The following EMILIN2 variants were observed in gnomAD, a reference collection of about 807,000 sequenced individuals.
The protein encoded by EMILIN2 is EMILIN-2.
A neutral mutation model predicts 87.1 loss-of-function variants in EMILIN2; 71 were observed. That is an observed-to-expected ratio of 0.82 (90% CI 0.67 to 0.99). The LOEUF is 0.99. Ranked by LOEUF, EMILIN2 falls within the 50% of genes least tolerant of loss-of-function variation. EMILIN2 has a pLI of 0.00. For missense variants in EMILIN2, 1,407 were observed against 1,371.8 expected (o/e 1.03, Z -0.40); for synonymous variants, 581 against 563.4 (o/e 1.03, Z -0.44).
chr18:2,910,845 C>G (rs2076937333), intron 7 of EMILIN2, among the ~76,000 whole-genome samples: 2 of 152,234 alleles, frequency 1.3e-5, no homozygotes, highest in Admixed American at 6.5e-5. Context: ...CTGCAGAACT[C>G]AGAGAAATGA....
At chr18:2,860,048 T>C (rs2076652461) in intron 2 of EMILIN2, among the ~76,000 whole-genome samples, 1 of 152,226 alleles carries the variant, frequency 6.6e-6, no homozygotes, top group South Asian at 2.1e-4. Flanking sequence ...GCTTTGGCTA[T>C]GTGGGCTCTT....
rs1384556171 is a variant in EMILIN2, at chr18:2,909,848, G to GTCC, written c.2824+37_2824+39dup. 9 of 1,605,564 alleles carry GTCC rather than the reference G, an allele frequency of 5.6e-6. No homozygotes were observed. The East Asian group carries it at 9.1e-5, about 16-fold the overall frequency. Reference sequence around the variant, plus strand: ...AGTGTTTGAACGGAACTGGTACTGTGTCCTCCTCCTACCCCAACGCAGGTG... The same window carrying GTCC: ...AGTGTTTGAACGGAACTGGTACTGTGTCCTCCTCCTCCTACCCCAACGCAGGTG... On this transcript the variant is annotated intron_variant, in intron 7 of 7. Coordinates refer to ENST00000254528, the MANE Select transcript of EMILIN2 (RefSeq NM_032048.3).
At chr18:2,870,726 C>T (rs2076715073) in intron 2 of EMILIN2, among the ~76,000 whole-genome samples, 1 of 152,322 alleles carries the variant, frequency 6.6e-6, no homozygotes, top group East Asian at 1.9e-4. Flanking sequence ...CCAAGGTCAG[C>T]GTAAGCCAAG....
chr18:2,856,085 T>A (rs1346383676), intron 2 of EMILIN2, among the ~76,000 whole-genome samples: 2 of 152,066 alleles, frequency 1.3e-5, no homozygotes, highest in African/African-American at 4.8e-5. Flanking sequence ...GAACTTTAAG[T>A]GAAGCTCAGC....
intron 2 of EMILIN2, among the ~76,000 whole-genome samples, chr18:2,873,450 A>G (rs470594): frequency 0.43 from 64,633 of 150,852 alleles, 14,324 homozygotes; most frequent in Admixed American, 0.49. Flanking sequence ...GCTCACGCCT[A>G]TAATCCCAGC....
chr18:2,855,808 C>T (rs1420192175), intron 2 of EMILIN2, among the ~76,000 whole-genome samples: 1 of 152,220 alleles, frequency 6.6e-6, no homozygotes, highest in African/African-American at 2.4e-5. Flanking sequence ...GAGGAGGCCC[C>T]AGTGCGGGAA....
At chr18:2,875,093 A>G (rs567565977) in intron 2 of EMILIN2, among the ~76,000 whole-genome samples, 16 of 152,324 alleles carry the variant, frequency 1.1e-4, no homozygotes, top group Admixed American at 2.6e-4. Context: ...AAAGTCCTTG[A>G]AGAGGGAGGG....
chr18:2,909,912 C>A, intron 7 of EMILIN2, 93 bp downstream of exon 7: 1 of 1,551,596 alleles, frequency 6.4e-7, no homozygotes, highest in South Asian at 1.2e-5. Context: ...CCCAGCGTCC[C>A]GTGGGCTCAG....
At chr18:2,883,345 A>G (rs146910659) in intron 2 of EMILIN2, among the ~76,000 whole-genome samples, 26 of 152,200 alleles carry the variant, frequency 1.7e-4, no homozygotes, top group Non-Finnish European at 3.4e-4. Context: ...CGCTGCTGCT[A>G]TTGTCCCGCC....
intron 2 of EMILIN2, among the ~76,000 whole-genome samples, chr18:2,882,500 C>A (rs774322184): frequency 6.6e-6 from 1 of 152,164 alleles, no homozygotes; most frequent in South Asian, 2.1e-4. Context: ...TGCCTGTAAT[C>A]CCAGCACTTT....
At position 2,880,301 on chromosome 18, in the gene EMILIN2, A is replaced by C. The variant is rs1301308762; in HGVS notation, c.258-4663A>C. The stretch of plus-strand genomic sequence containing the variant: ...TTTTTTTTTTGACACCTTCCTTCTC[A>C]TTAGAATCTCCTGGGCCAGTCTAGT... On this transcript the variant is annotated intron_variant, in intron 2 of 7. Coordinates refer to ENST00000254528, the MANE Select transcript of EMILIN2 (RefSeq NM_032048.3). This position sits in a 1 kb window ranked among gnomAD's most constrained non-coding sequence, Gnocchi z 4.1. Among the ~76,000 whole-genome samples, 1 of 151,992 alleles carries C rather than the reference A, an allele frequency of 6.6e-6. No individual in the cohort carries two copies. The highest frequency in any genetic ancestry group is 1.5e-5 in the Non-Finnish European group (1 of 68,010).
Position 2,847,962 on chromosome 18 carries a change from C to T in EMILIN2, c.257+31C>T, listed in dbSNP as rs779024497. The T allele has an allele frequency of 7.0e-6, 11 of 1,562,268 alleles. No individual in the cohort carries two copies. The highest frequency in any genetic ancestry group is 8.7e-6 in the Non-Finnish European group (10 of 1,155,066). ...TCCTGGAGCCGGGGAGCGGGCGGGG[C>T]GCGCCCGGGCCGGGGCGGTGGGGGT... On this transcript the variant is annotated intron_variant, in intron 2 of 7. Coordinates refer to ENST00000254528, the MANE Select transcript of EMILIN2 (RefSeq NM_032048.3). The surrounding 1 kb of genome is among the most constrained non-coding windows in gnomAD (Gnocchi z 4.5).
intron 2 of EMILIN2, among the ~76,000 whole-genome samples, chr18:2,856,621 C>T (rs73367902): frequency 0.053 from 8,078 of 152,316 alleles, 741 homozygotes; most frequent in African/African-American, 0.18. Flanking sequence ...TACATCCTGT[C>T]TTTAAAAATC....
intron 7 of EMILIN2, among the ~76,000 whole-genome samples, chr18:2,911,022 G>A (rs1173457041): frequency 1.3e-5 from 2 of 152,190 alleles, no homozygotes; most frequent in East Asian, 3.9e-4. Context: ...ATCAGGGAAG[G>A]GGAATCCATA....
intron 2 of EMILIN2, among the ~76,000 whole-genome samples, chr18:2,874,151 C>T (rs948617929): frequency 2.0e-5 from 3 of 152,216 alleles, no homozygotes; most frequent in East Asian, 3.9e-4. Context: ...CCTCCATCAC[C>T]GCTCCCGTTT....
chr18:2,880,337 G>A lies in EMILIN2; in HGVS notation c.258-4627G>A, dbSNP rs905806660. On this transcript the variant is annotated intron_variant, in intron 2 of 7. Transcript: ENST00000254528. This position sits in a 1 kb window ranked among gnomAD's most constrained non-coding sequence, Gnocchi z 4.1. ...CTGGGCCAGTCTAGTGTCTTGACAC[G>A]GTTGCTGAACCCATTAAAATGGGAA... Among the ~76,000 whole-genome samples the A allele has an allele frequency of 1.3e-5, 2 of 152,082 alleles. No individual in the cohort carries two copies. The highest frequency in any genetic ancestry group is 2.1e-4 in the South Asian group (1 of 4,816).
chr18:2,909,112 C>A, intron 6 of EMILIN2, 137 bp downstream of exon 6: 2 of 1,101,760 alleles, frequency 1.8e-6, no homozygotes, highest in Non-Finnish European at 2.8e-6. Flanking sequence ...CACCCACCAG[C>A]ACTGGGACAG....
rs144741519 is a variant in EMILIN2 at position 2,881,460 on chromosome 18, G to A, written c.258-3504G>A. Among the ~76,000 whole-genome samples the A allele has an allele frequency of 2.6e-3, 400 of 152,362 alleles. 2 individuals are homozygous for A. Among genetic ancestry groups the A allele is most frequent in the Middle Eastern group, 0.014 (4 of 294 alleles). ...TCCAGGGAACTTTCCTACATTAGGAGCTGGGGAGCTGGCCCCAAAATAAAA... is the reference window on the plus strand; with the variant it reads ...TCCAGGGAACTTTCCTACATTAGGAACTGGGGAGCTGGCCCCAAAATAAAA... On this transcript the variant is annotated intron_variant, in intron 2 of 7. Transcript: ENST00000254528.
At chr18:2,859,157 T>C (rs1265284543) in intron 2 of EMILIN2, among the ~76,000 whole-genome samples, 2 of 152,204 alleles carry the variant, frequency 1.3e-5, no homozygotes, top group East Asian at 3.8e-4. Context: ...TTTTCCGTAG[T>C]GGTTGGGCTA....
Sources: allele counts gnomAD v4.1 joint callset (sites outside exome capture counted in the v4.1 genomes callset), GRCh38; gene constraint gnomAD v4.1.1; non-coding constraint Gnocchi (gnomAD v3.1); transcripts MANE v1.5; gene names NCBI Gene and HGNC (gene_info 2026-07-23, HGNC 2026-07-21).